CYP7B1: variants seen among roughly 807,000 people sequenced by gnomAD.
CYP7B1 encodes cytochrome P450 family 7 subfamily B member 1.
In CYP7B1, 29 loss-of-function variants were observed where a neutral mutation model predicts 42.7. The ratio of observed to expected loss-of-function variants is 0.68; its 90% confidence interval spans 0.51 to 0.93. The LOEUF (loss-of-function observed/expected upper bound fraction) is 0.93, where lower values mean the gene tolerates loss of function less well. CYP7B1 is among the 40% of genes least tolerant of loss of function. CYP7B1 has a pLI of 0.00. For synonymous variants in CYP7B1, 235 were observed against 218.2 expected, an observed-to-expected ratio of 1.08 and a Z score of -0.68; for missense variants, 655 against 600.5, an observed-to-expected ratio of 1.09 and a Z score of -0.95.
At chr8:64,618,916 T>G (rs1487382444) in intron 2 of CYP7B1, among the ~76,000 whole-genome samples, 1 of 152,178 alleles carries the variant, frequency 6.6e-6, no homozygotes, top group Non-Finnish European at 1.5e-5. Flanking sequence ...TATTTCAGTG[T>G]CCTTCAATAT....
chr8:64,747,237 A>G (rs1807657214), intron 1 of CYP7B1, among the ~76,000 whole-genome samples: 1 of 148,118 alleles, frequency 6.8e-6, no homozygotes, highest in Admixed American at 6.8e-5. Flanking sequence ...TATAAACATA[A>G]TAATATAGTA....
At chr8:64,628,337 G>A (rs1282483052) in intron 1 of CYP7B1, among the ~76,000 whole-genome samples, 6 of 152,170 alleles carry the variant, frequency 3.9e-5, no homozygotes, top group Non-Finnish European at 5.9e-5. Context: ...GTCATCTACA[G>A]TCCAAAGTTA....
At chr8:64,684,152 T>C (rs1050621733) in intron 1 of CYP7B1, among the ~76,000 whole-genome samples, 2 of 152,228 alleles carry the variant, frequency 1.3e-5, no homozygotes, top group African/African-American at 4.8e-5. Flanking sequence ...GGGTAGGCAT[T>C]CAGCAAATAA....
intron 1 of CYP7B1, among the ~76,000 whole-genome samples, chr8:64,762,214 G>T (rs1254150577): frequency 1.3e-5 from 2 of 152,094 alleles, no homozygotes; most frequent in African/African-American, 4.8e-5. Context: ...TAGGTAAAAT[G>T]ATTATTTGTA....
At chr8:64,674,326 C>T (rs1806411139) in intron 1 of CYP7B1, among the ~76,000 whole-genome samples, 1 of 152,014 alleles carries the variant, frequency 6.6e-6, no homozygotes, top group African/African-American at 2.4e-5. Flanking sequence ...TGTTCCCAAA[C>T]CTGAGGGTGC....
intron 1 of CYP7B1, among the ~76,000 whole-genome samples, chr8:64,635,901 T>G (rs1805762420): frequency 6.6e-6 from 1 of 152,228 alleles, no homozygotes; most frequent in Admixed American, 6.5e-5. Context: ...TACTAATGCC[T>G]TGATCAAGTG....
intron 1 of CYP7B1, among the ~76,000 whole-genome samples, chr8:64,731,057 G>A (rs1417753032): frequency 6.6e-6 from 1 of 152,132 alleles, no homozygotes; most frequent in East Asian, 1.9e-4. Context: ...TGTTTTCTGA[G>A]GCCTCTCCAG....
intron 1 of CYP7B1, among the ~76,000 whole-genome samples, chr8:64,682,254 T>C (rs748039633): frequency 6.6e-6 from 1 of 152,034 alleles, no homozygotes; most frequent in Non-Finnish European, 1.5e-5. Context: ...GAGTCGTGGA[T>C]TGTGAAAGAC....
chr8:64,739,425 T>C (rs1807537237), intron 1 of CYP7B1, among the ~76,000 whole-genome samples: 1 of 152,154 alleles, frequency 6.6e-6, no homozygotes, highest in Non-Finnish European at 1.5e-5. Flanking sequence ...ACGAGAACAC[T>C]AGAGGAAGTT....
chr8:64,665,859 AGCCACCAC>A (rs1272941871), intron 1 of CYP7B1, among the ~76,000 whole-genome samples: 1 of 152,106 alleles, frequency 6.6e-6, no homozygotes, highest in African/African-American at 2.4e-5. Context: ...TACAGGCGTG[AGCCACCAC>A]GCCCTGCTTA....
chr8:64,736,713 T>C (rs1807493703), intron 1 of CYP7B1, among the ~76,000 whole-genome samples: 1 of 152,074 alleles, frequency 6.6e-6, no homozygotes, highest in South Asian at 2.1e-4. Flanking sequence ...CCTCCCAAAG[T>C]GCTGGGATTA....
chr8:64,754,074 TC>T (rs905336476), intron 1 of CYP7B1, among the ~76,000 whole-genome samples: 1 of 150,266 alleles, frequency 6.7e-6, no homozygotes, highest in Non-Finnish European at 1.5e-5. Context: ...GTGTGGTTGG[TC>T]CCCATACACA....
In CYP7B1 at chr8:64,610,836, T is replaced by C. The variant is rs142521560; in HGVS notation, c.1057+4190A>G. Reference sequence around the variant, plus strand: ...AGTCATTATGGGTAGGCATTAAAGTTAGATCTGGCATCAACTTCTGGTTCT... The same window carrying C: ...AGTCATTATGGGTAGGCATTAAAGTCAGATCTGGCATCAACTTCTGGTTCT... On this transcript the variant is annotated intron_variant, in intron 4 of 5. Coordinates refer to ENST00000310193, the MANE Select transcript of CYP7B1 (RefSeq NM_004820.5). 1.1e-4 allele frequency among the ~76,000 whole-genome samples: 17 copies of C among 152,262 alleles called. No homozygotes were observed. The East Asian group carries it at 3.3e-3, about 29-fold the overall frequency.
chr8:64,750,519 T>C (rs1265647254), intron 1 of CYP7B1, among the ~76,000 whole-genome samples: 1 of 152,242 alleles, frequency 6.6e-6, no homozygotes, highest in Non-Finnish European at 1.5e-5. Flanking sequence ...TATTTTTCAT[T>C]TGTCTGTTTC....
chr8:64,790,205 C>T (rs1804595214), intron 1 of CYP7B1, among the ~76,000 whole-genome samples: 2 of 152,170 alleles, frequency 1.3e-5, no homozygotes, highest in African/African-American at 4.8e-5. Context: ...ACCCCAAATC[C>T]TGTCATTTCT....
intron 1 of CYP7B1, among the ~76,000 whole-genome samples, chr8:64,751,400 C>T (rs187365940): frequency 6.6e-5 from 10 of 152,132 alleles, no homozygotes; most frequent in South Asian, 2.1e-4. Flanking sequence ...TACTCCTATA[C>T]GATGTATTTT....
Position 64,798,486 on chromosome 8 carries a change from G to C in CYP7B1, c.102C>G (p.Cys34Trp). The change falls in exon 1 of 6, where the codon TGC becomes TGG. Residue 34 changes from cysteine to tryptophan, a missense_variant. Coordinates refer to ENST00000310193, the MANE Select transcript of CYP7B1 (RefSeq NM_004820.5). ...LAAALLLLALCLLVRRTRRPG... is the reference protein window; with the variant it reads ...LAAALLLLALWLLVRRTRRPG... ...CTTACCTGGTGCGCCGGACAAGCAA[G>C]CAGAGGGCCAGGAGCAGCAGGGCCG... The C allele has an allele frequency of 6.6e-7, 1 of 1,513,672 alleles. No homozygotes were observed. Among genetic ancestry groups the C allele is most frequent in the South Asian group, 1.2e-5 (1 of 81,794 alleles). 93.8% of individuals were successfully genotyped at this position (1,513,672 alleles called of 1,614,324 possible). A position where few individuals can be genotyped will look rare whatever the true frequency, so the allele number is the denominator to read the frequency against.
chr8:64,701,179 A>G (rs981555088), intron 1 of CYP7B1, among the ~76,000 whole-genome samples: 2 of 152,046 alleles, frequency 1.3e-5, no homozygotes, highest in African/African-American at 4.8e-5. Flanking sequence ...CACTCTGGTA[A>G]CTAAGAACTA....
chr8:64,630,185 GT>G (rs2129630603), intron 1 of CYP7B1, among the ~76,000 whole-genome samples: 2 of 150,990 alleles, frequency 1.3e-5, no homozygotes, highest in Non-Finnish European at 2.9e-5. Flanking sequence ...TTATTAAATA[GT>G]TTTACAAAAG....
Sources: gnomAD v4.1 joint callset for allele counts (sites outside exome capture counted in the v4.1 genomes callset) on GRCh38, gnomAD v4.1.1 for gene constraint, MANE v1.5 for transcripts, NCBI Gene and HGNC (gene_info 2026-07-23, HGNC 2026-07-21) for gene names.